Variants in TIGD4 observed in about 807,000 individuals in gnomAD.
TIGD4 encodes tigger transposable element-derived protein 4.
A neutral mutation model predicts 24.9 loss-of-function variants in TIGD4; 20 were observed. The observed-to-expected ratio is 0.80, with a 90% CI of 0.56 to 1.17. TIGD4 has a LOEUF of 1.17. TIGD4 is among the 50% of genes most tolerant of loss of function. TIGD4 has a pLI of 0.00. For missense variants in TIGD4, 566 were observed against 591.0 expected, an observed-to-expected ratio of 0.96 and a Z score of 0.44; for synonymous variants, 193 against 211.0, an observed-to-expected ratio of 0.91 and a Z score of 0.74.
Position 152,771,118 on chromosome 4 carries a change from A to T in TIGD4, c.-114T>A. ...TGCTGCTTTCTATCCTACTTTATAC[A>T]CTAAAAGTTGGTGTCTAATAGTCTT... On this transcript the variant is annotated 5_prime_UTR_variant, in exon 2 of 2. Coordinates refer to ENST00000304337, the MANE Select transcript of TIGD4 (RefSeq NM_145720.4). 7.7e-7 allele frequency: 1 copy of T among 1,294,830 alleles called. No homozygotes were observed. The highest frequency in any genetic ancestry group is 1.0e-6 in the Non-Finnish European group (1 of 982,396). 80.2% of individuals were successfully genotyped at this position (1,294,830 alleles called of 1,614,324 possible).
intron 1 of TIGD4, among the ~76,000 whole-genome samples, chr4:152,775,771 T>C (rs942963616): frequency 8.5e-5 from 13 of 152,196 alleles, no homozygotes; most frequent in African/African-American, 3.1e-4. Flanking sequence ...GCCCTTTTGA[T>C]TAATTCAGAG....
At chr4:152,775,808 T>C (rs1035862864) in intron 1 of TIGD4, among the ~76,000 whole-genome samples, 2 of 152,200 alleles carry the variant, frequency 1.3e-5, no homozygotes, top group African/African-American at 4.8e-5. Flanking sequence ...CTTAATTATA[T>C]CTCCAAAATT....
intron 1 of TIGD4, among the ~76,000 whole-genome samples, chr4:152,772,125 T>C (rs1730187915): frequency 6.6e-6 from 1 of 152,228 alleles, no homozygotes; most frequent in South Asian, 2.1e-4. Context: ...AATTTTTCTC[T>C]CTTTTTTCTT....
At chr4:152,772,581 G>A (rs1165007841) in intron 1 of TIGD4, among the ~76,000 whole-genome samples, 2 of 152,174 alleles carry the variant, frequency 1.3e-5, no homozygotes, top group East Asian at 1.9e-4. Flanking sequence ...AATAGGTGGT[G>A]ATGATCTCAT....
intron 1 of TIGD4, among the ~76,000 whole-genome samples, chr4:152,777,067 T>G (rs1381556796): frequency 6.6e-6 from 1 of 152,248 alleles, no homozygotes; most frequent in East Asian, 1.9e-4. Context: ...AACATTTCTT[T>G]GCAACTAAAG....
At chr4:152,777,214 TA>T (rs1163916677) in intron 1 of TIGD4, among the ~76,000 whole-genome samples, 1 of 152,152 alleles carries the variant, frequency 6.6e-6, no homozygotes, top group Non-Finnish European at 1.5e-5. Context: ...AATGCCAGGA[TA>T]AAGAATTAGA....
At chr4:152,778,200 C>T (rs1336091472) in intron 1 of TIGD4, among the ~76,000 whole-genome samples, 5 of 152,160 alleles carry the variant, frequency 3.3e-5, no homozygotes, top group Non-Finnish European at 7.3e-5. Context: ...GTTAGACTAA[C>T]TTTAGTCAAG....
Position 152,779,466 on chromosome 4 carries a change from C to T in TIGD4, c.-539+16G>A, listed in dbSNP as rs1475541681. ...TCTCCCTACCACCCCCACCTTCCCCCCGGGACTGGAATAACCTTCTTCGTG... is the reference window on the plus strand; with the variant it reads ...TCTCCCTACCACCCCCACCTTCCCCTCGGGACTGGAATAACCTTCTTCGTG... On this transcript the variant is annotated intron_variant, in intron 1 of 1. Coordinates refer to ENST00000304337, the MANE Select transcript of TIGD4 (RefSeq NM_145720.4). The T allele has an allele frequency of 6.6e-6, 1 of 152,380 alleles. No individual in the cohort carries two copies. The highest frequency in any genetic ancestry group is 1.5e-5 in the Non-Finnish European group (1 of 68,190). The allele number at this position is 152,380 out of a possible 1,614,324, so 9.4% of individuals were successfully genotyped here. A position where few individuals can be genotyped will look rare whatever the true frequency, so the allele number is the denominator to read the frequency against.
rs771401126 is a variant in TIGD4 at position 152,769,891 on chromosome 4, C to T, written c.1114G>A (p.Val372Ile). ...AATCCTGCCTCTTCATAGCTTTTAA[C>T]AATAGTCTCTGGGGTTACAGCCCTC... ...CWRAVTPETIVKSYEEAGFKS... is the reference protein window; with the variant it reads ...CWRAVTPETIIKSYEEAGFKS... The change falls in exon 2 of 2, where the codon GTT becomes ATT. Residue 372 changes from valine to isoleucine, a missense_variant. Transcript: ENST00000304337. 3.7e-6 allele frequency: 6 copies of T among 1,613,578 alleles called. No homozygotes were observed. The highest frequency in any genetic ancestry group is 5.1e-6 in the Non-Finnish European group (6 of 1,179,646).
Position 152,770,010 on chromosome 4 carries a change from T to G in TIGD4, c.995A>C (p.His332Pro). 6.2e-7 allele frequency: 1 copy of G among 1,610,060 alleles called. No individual in the cohort carries two copies. Among genetic ancestry groups the G allele is most frequent in the South Asian group, 1.1e-5 (1 of 90,706 alleles). Residue 332 changes from histidine (H) to proline (P), a missense_variant, in exon 2 of 2, where the codon CAC (histidine) becomes CCC (proline). Coordinates refer to ENST00000304337, the MANE Select transcript of TIGD4 (RefSeq NM_145720.4). Reference protein sequence around the residue: ...VIKSLKIKYRHCLIKKFLSSV... With the variant: ...VIKSLKIKYRPCLIKKFLSSV... ...GCTTAAAAATTTCTTGATAAGACAG[T>G]GTCGATATTTGATTTTAAGGCTTTT...
intron 1 of TIGD4, among the ~76,000 whole-genome samples, chr4:152,775,681 T>G (rs955741683): frequency 6.6e-6 from 1 of 152,232 alleles, no homozygotes; most frequent in African/African-American, 2.4e-5. Context: ...TCTCTCTGAC[T>G]TCCTCTACTG....
chr4:152,776,408 T>G (rs1730260614), intron 1 of TIGD4, among the ~76,000 whole-genome samples: 1 of 152,204 alleles, frequency 6.6e-6, no homozygotes, highest in African/African-American at 2.4e-5. Flanking sequence ...ACAGTCATCT[T>G]AGAATAATGT....
intron 1 of TIGD4, among the ~76,000 whole-genome samples, chr4:152,777,522 G>A (rs1318084672): frequency 6.8e-6 from 1 of 146,720 alleles, no homozygotes; most frequent in Non-Finnish European, 1.5e-5. Flanking sequence ...GAAAAGAAGG[G>A]AGGGAGGGAG....
In TIGD4 at chr4:152,770,711, A is replaced by C; in HGVS notation, c.294T>G (p.Ala98=). 1 of 1,613,710 alleles carries C rather than the reference A, an allele frequency of 6.2e-7. No homozygotes were observed. The highest frequency in any genetic ancestry group is 8.5e-7 in the Non-Finnish European group (1 of 1,179,868). ...CATTAACTGGTACATTTAGACACTG[A>C]GCAATTCGATACCATCTCATTAATG... ...EEALMRWYRI[A]QCLNVPVNGP... Residue 98 remains alanine (A), a synonymous_variant, in exon 2 of 2, where the codon GCT becomes GCG. Coordinates refer to ENST00000304337, the MANE Select transcript of TIGD4 (RefSeq NM_145720.4).
intron 1 of TIGD4, among the ~76,000 whole-genome samples, chr4:152,772,280 T>C (rs914836991): frequency 2.6e-5 from 4 of 151,998 alleles, no homozygotes; most frequent in African/African-American, 7.3e-5. Flanking sequence ...GAAAAAGATG[T>C]AGACTAAGAA....
chr4:152,773,140 G>A (rs1459863063), intron 1 of TIGD4, among the ~76,000 whole-genome samples: 1 of 152,162 alleles, frequency 6.6e-6, no homozygotes, highest in African/African-American at 2.4e-5. Context: ...ATAATAACAA[G>A]CTAATTTGAT....
At chr4:152,772,415 C>T (rs1194654819) in intron 1 of TIGD4, among the ~76,000 whole-genome samples, 2 of 152,034 alleles carry the variant, frequency 1.3e-5, no homozygotes, top group East Asian at 3.8e-4. Context: ...CATGTGATCC[C>T]AGGTAATTTA....
Position 152,771,094 on chromosome 4 carries a change from G to T in TIGD4, c.-90C>A. The T allele has an allele frequency of 7.1e-7, 1 of 1,417,854 alleles. No homozygotes were observed. The highest frequency in any genetic ancestry group is 9.3e-7 in the Non-Finnish European group (1 of 1,076,408). The allele number at this position is 1,417,854 out of a possible 1,614,324, so 87.8% of individuals were successfully genotyped here. On this transcript the variant is annotated 5_prime_UTR_variant, in exon 2 of 2. Coordinates refer to ENST00000304337, the MANE Select transcript of TIGD4 (RefSeq NM_145720.4). Reference sequence around the variant, plus strand: ...TTTGTTTTCCAGTATAATATAGATTGCTGCTTTCTATCCTACTTTATACAC... The same window carrying T: ...TTTGTTTTCCAGTATAATATAGATTTCTGCTTTCTATCCTACTTTATACAC...
chr4:152,773,642 T>TAAAAAAAAAAAAA (rs71598212), intron 1 of TIGD4, among the ~76,000 whole-genome samples: 3 of 82,130 alleles, frequency 3.7e-5, no homozygotes, highest in Admixed American at 1.5e-4. Context: ...TCCAATGCCT[T>TAAAAAAAAAAAAA]AAAAAAAAAA....
Sources: allele counts gnomAD v4.1 joint callset (sites outside exome capture counted in the v4.1 genomes callset), GRCh38; gene constraint gnomAD v4.1.1; transcripts MANE v1.5; gene names NCBI Gene and HGNC (gene_info 2026-07-23, HGNC 2026-07-21).